ELOVL7: variants seen among roughly 807,000 people sequenced by gnomAD.
ELOVL7 encodes very long chain fatty acid elongase 7.
ELOVL7 carries 27 observed loss-of-function variants against 35.7 expected under a neutral mutation model. That is an observed-to-expected ratio of 0.76 (90% CI 0.56 to 1.04). The LOEUF (loss-of-function observed/expected upper bound fraction) is 1.04, where lower values mean the gene tolerates loss of function less well. Among genes scored for constraint, ELOVL7 ranks in the 50% least tolerant of loss-of-function variants. The pLI, the probability that ELOVL7 is intolerant of heterozygous loss-of-function variation, is 0.00. For synonymous variants in ELOVL7, 113 were observed against 114.6 expected (o/e 0.99, Z 0.09); for missense variants, 327 against 340.8 (o/e 0.96, Z 0.32).
At chr5:60,830,050 C>T (rs548039127) in intron 1 of ELOVL7, among the ~76,000 whole-genome samples, 7 of 152,168 alleles carry the variant, frequency 4.6e-5, no homozygotes, top group East Asian at 1.9e-4. Flanking sequence ...CCATTCTCTA[C>T]GTGAGGCCTG....
At chr5:60,843,788 C>A (rs541637768) in intron 1 of ELOVL7, among the ~76,000 whole-genome samples, 121 of 151,850 alleles carry the variant, frequency 8.0e-4, no homozygotes, top group African/African-American at 2.8e-3. Flanking sequence ...GCGCGGGACC[C>A]CAGTCCAGGC....
intron 2 of ELOVL7, among the ~76,000 whole-genome samples, chr5:60,790,617 G>C (rs1743880199): frequency 6.6e-6 from 1 of 152,158 alleles, no homozygotes; most frequent in South Asian, 2.1e-4. Context: ...GGTCTTGCCA[G>C]AGTCTGTCTG....
Position 60,762,434 on chromosome 5 carries a change from T to C in ELOVL7, c.499+1793A>G, listed in dbSNP as rs920781371. Among the ~76,000 whole-genome samples the C allele has an allele frequency of 1.1e-4, 17 of 152,254 alleles. No individual in the cohort carries two copies. In the East Asian group the frequency reaches 2.1e-3, roughly 19 times the overall value. On this transcript the variant is annotated intron_variant, in intron 7 of 8. Coordinates refer to ENST00000508821, the MANE Select transcript of ELOVL7 (RefSeq NM_024930.3). ...TAGAAGTTAGAAAAATGCTCAATTG[T>C]ATTCATTAAATAAAATTTATTTCTC... is the stretch of plus-strand genomic sequence containing the variant.
Position 60,817,812 on chromosome 5 carries a change from ATG to A in ELOVL7, c.-85-18584_-85-18583del, listed in dbSNP as rs1215444061. On this transcript the variant is annotated intron_variant, in intron 1 of 8. Transcript: ENST00000508821. ...TACCATATATATACACACCATATAT[ATG>A]TGTGTGTGTATATATATGTGTGTGT... Among the ~76,000 whole-genome samples, 167 of 145,174 alleles carry A rather than the reference ATG, an allele frequency of 1.2e-3. 1 individual carries two copies. Among genetic ancestry groups the A allele is most frequent in the African/African-American group, 3.0e-3 (117 of 39,268 alleles).
chr5:60,809,179 A>G (rs1041952390), intron 1 of ELOVL7, among the ~76,000 whole-genome samples: 8 of 152,200 alleles, frequency 5.3e-5, no homozygotes, highest in African/African-American at 1.9e-4. Flanking sequence ...TGAAAGAAAG[A>G]AAAAGAATGT....
rs953203230 is a variant in ELOVL7, at chr5:60,756,215, C to T, written c.636+1294G>A. On this transcript the variant is annotated intron_variant, in intron 8 of 8. Coordinates refer to ENST00000508821, the MANE Select transcript of ELOVL7 (RefSeq NM_024930.3). The stretch of plus-strand genomic sequence containing the variant: ...TTTTCACGTTATTAAAAAGTTTGTA[C>T]ATTTAAGAGTATGCTGAGAAAAAAA... Among the ~76,000 whole-genome samples, 6 of 151,954 alleles carry T rather than the reference C, an allele frequency of 3.9e-5. 1 individual carries two copies. In the South Asian group the frequency reaches 8.3e-4, roughly 21 times the overall value.
chr5:60,799,150 G>A (rs966502046), intron 2 of ELOVL7, 30 bp downstream of exon 2: 2 of 152,018 alleles, frequency 1.3e-5, no homozygotes, highest in Non-Finnish European at 2.9e-5. Flanking sequence ...TAAAAATATT[G>A]AGACAAATGA....
At chr5:60,783,859 T>TC (rs999624977) in intron 3 of ELOVL7, among the ~76,000 whole-genome samples, 4 of 152,150 alleles carry the variant, frequency 2.6e-5, no homozygotes, top group Non-Finnish European at 4.4e-5. Flanking sequence ...TGCTCTGTCT[T>TC]CCCCAGAAAC....
chr5:60,828,660 C>T (rs1213438650), intron 1 of ELOVL7, among the ~76,000 whole-genome samples: 1 of 151,960 alleles, frequency 6.6e-6, no homozygotes, highest in East Asian at 1.9e-4. Flanking sequence ...TGAATTTAAA[C>T]CATGAGAATA....
chr5:60,794,245 T>C (rs1179641269), intron 2 of ELOVL7, among the ~76,000 whole-genome samples: 1 of 152,230 alleles, frequency 6.6e-6, no homozygotes, highest in Non-Finnish European at 1.5e-5. Flanking sequence ...AAATTAAAGA[T>C]GTCAGGTTCA....
At chr5:60,769,562 T>TAG (rs1217440057) in intron 4 of ELOVL7, among the ~76,000 whole-genome samples, 1 of 152,212 alleles carries the variant, frequency 6.6e-6, no homozygotes, top group Admixed American at 6.5e-5. Context: ...ACATCATTGG[T>TAG]AGAGGTGTTT....
At position 60,824,820 on chromosome 5, in the gene ELOVL7, C is replaced by T. The variant is rs1746077848; in HGVS notation, c.-86+19340G>A. Among the ~76,000 whole-genome samples the T allele has an allele frequency of 3.3e-5, 5 of 152,164 alleles. No homozygotes were observed. In the South Asian group the frequency reaches 1.0e-3, roughly 31 times the overall value. ...AACAAAACAAAAACTCAAGTCATGTCCCTTCTCTGTTTAAAATGCACCAAT... is the reference window on the plus strand; with the variant it reads ...AACAAAACAAAAACTCAAGTCATGTTCCTTCTCTGTTTAAAATGCACCAAT... On this transcript the variant is annotated intron_variant, in intron 1 of 8. Transcript: ENST00000508821.
chr5:60,791,355 G>C (rs564277600), intron 2 of ELOVL7, among the ~76,000 whole-genome samples: 1 of 152,046 alleles, frequency 6.6e-6, no homozygotes, highest in African/African-American at 2.4e-5. Flanking sequence ...TAGACACTGG[G>C]GACTTCAAAA....
intron 1 of ELOVL7, among the ~76,000 whole-genome samples, chr5:60,816,101 C>G (rs1418318005): frequency 1.3e-5 from 2 of 152,074 alleles, no homozygotes; most frequent in East Asian, 3.8e-4. Flanking sequence ...TGGGAAGGGC[C>G]AGGTGTGGTG....
chr5:60,798,294 A>G (rs1238413686), intron 2 of ELOVL7, among the ~76,000 whole-genome samples: 1 of 152,240 alleles, frequency 6.6e-6, no homozygotes, highest in Non-Finnish European at 1.5e-5. Context: ...AAGTCATAAA[A>G]GTAGAAACAA....
intron 1 of ELOVL7, among the ~76,000 whole-genome samples, chr5:60,825,765 CAG>C (rs1187175455): frequency 1.3e-5 from 2 of 152,142 alleles, no homozygotes; most frequent in Non-Finnish European, 2.9e-5. Flanking sequence ...GAATAAAGGA[CAG>C]AGCTGAAAGT....
chr5:60,829,341 T>C (rs1263575731), intron 1 of ELOVL7, among the ~76,000 whole-genome samples: 1 of 152,188 alleles, frequency 6.6e-6, no homozygotes, highest in Non-Finnish European at 1.5e-5. Flanking sequence ...AAGGGATATC[T>C]GTTTTCTTTG....
At chr5:60,776,167 A>G (rs1199500541) in intron 3 of ELOVL7, among the ~76,000 whole-genome samples, 1 of 152,246 alleles carries the variant, frequency 6.6e-6, no homozygotes, top group Admixed American at 6.5e-5. Context: ...AAAGAGCATG[A>G]ACAGACACTT....
intron 3 of ELOVL7, chr5:60,783,996 C>A: frequency 1.5e-6 from 1 of 679,524 alleles, no homozygotes; most frequent in South Asian, 1.6e-5. Flanking sequence ...CAGTCTATAC[C>A]CCAATGATTA....
Sources: gnomAD v4.1 joint callset for allele counts (sites outside exome capture counted in the v4.1 genomes callset) on GRCh38, gnomAD v4.1.1 for gene constraint, MANE v1.5 for transcripts, NCBI Gene and HGNC (gene_info 2026-07-23, HGNC 2026-07-21) for gene names.